Variants in ARSB observed in about 807,000 individuals in gnomAD.
ARSB encodes arylsulfatase B.
ARSB carries 41 observed loss-of-function variants against 50.9 expected under a neutral mutation model. The observed-to-expected ratio is 0.81, with a 90% CI of 0.63 to 1.04. The LOEUF is 1.04. Among genes scored for constraint, ARSB ranks in the 50% least tolerant of loss-of-function variants. ARSB has a pLI of 0.00. For synonymous variants in ARSB, 269 were observed against 284.8 expected, an observed-to-expected ratio of 0.94 and a Z score of 0.56; for missense variants, 672 against 693.3, an observed-to-expected ratio of 0.97 and a Z score of 0.35.
intron 5 of ARSB, among the ~76,000 whole-genome samples, chr5:78,863,662 T>A (rs904828379): frequency 6.6e-6 from 1 of 151,968 alleles, no homozygotes; most frequent in Non-Finnish European, 1.5e-5. Context: ...TTGTAAATGA[T>A]GTGTTAATGG....
chr5:78,921,319 C>A (rs1749803895), intron 4 of ARSB, among the ~76,000 whole-genome samples: 1 of 152,056 alleles, frequency 6.6e-6, no homozygotes, highest in South Asian at 2.1e-4. Flanking sequence ...AGAAATGTGG[C>A]TAGTCTGAAT....
Position 78,985,024 on chromosome 5 carries a change from C to A in ARSB, c.225G>T (p.Leu75=). Residue 75 remains leucine, a synonymous_variant, in exon 1 of 8, where the codon CTG becomes CTT. Coordinates refer to ENST00000264914, the MANE Select transcript of ARSB (RefSeq NM_000046.5). ...SRIRTPHLDA[L]AAGGVLLDNY... Reference sequence around the variant, plus strand: ...TGTCCAGGAGCACCCCGCCGGCCGCCAGCGCGTCCAGGTGCGGCGTGCGGA... The same window carrying A: ...TGTCCAGGAGCACCCCGCCGGCCGCAAGCGCGTCCAGGTGCGGCGTGCGGA... The A allele has an allele frequency of 5.8e-6, 9 of 1,541,432 alleles. No homozygotes were observed. The highest frequency in any genetic ancestry group is 7.9e-6 in the Non-Finnish European group (9 of 1,146,274).
At chr5:78,917,264 A>G (rs1186622387) in intron 4 of ARSB, among the ~76,000 whole-genome samples, 1 of 152,226 alleles carries the variant, frequency 6.6e-6, no homozygotes, top group East Asian at 1.9e-4. Flanking sequence ...ATATTCCTAT[A>G]GTTGTCTGTT....
chr5:78,827,402 G>A (rs1363767056), intron 6 of ARSB, among the ~76,000 whole-genome samples: 1 of 151,952 alleles, frequency 6.6e-6, no homozygotes, highest in East Asian at 1.9e-4. Context: ...GTAAAGACGG[G>A]GTTTTGCCAT....
intron 6 of ARSB, among the ~76,000 whole-genome samples, chr5:78,793,002 A>T (rs893708164): frequency 6.6e-6 from 1 of 152,192 alleles, no homozygotes; most frequent in Non-Finnish European, 1.5e-5. Flanking sequence ...ACAGAGTGCA[A>T]TAGAACAGAG....
In ARSB at chr5:78,955,321, T is replaced by C; in HGVS notation, c.872A>G (p.Asn291Ser). The C allele has an allele frequency of 6.2e-7, 1 of 1,614,196 alleles. No individual in the cohort carries two copies. Among genetic ancestry groups the C allele is most frequent in the Non-Finnish European group, 8.5e-7 (1 of 1,180,028 alleles). Residue 291 changes from asparagine to serine, a missense_variant, in exon 4 of 8, where the codon AAC becomes AGC. Physicochemically the swap from Asn to Ser is conservative, Grantham distance 46. Transcript: ENST00000264914. Reference protein sequence around the residue: ...TAALKSSGLWNNTVFIFSTDN... With the variant: ...TAALKSSGLWSNTVFIFSTDN... ...TGTAGAAAAGATGAACACCGTGTTG[T>C]TCCAGAGCCCACTGCTTTTTAAAGC...
At chr5:78,877,656 T>G (rs528584004) in intron 5 of ARSB, among the ~76,000 whole-genome samples, 48 of 152,312 alleles carry the variant, frequency 3.2e-4, no homozygotes, top group African/African-American at 1.1e-3. Context: ...CCCAAAGTGC[T>G]GGGATTACAG....
At chr5:78,863,673 G>A (rs1056092094) in intron 5 of ARSB, among the ~76,000 whole-genome samples, 2 of 151,976 alleles carry the variant, frequency 1.3e-5, no homozygotes, top group African/African-American at 2.4e-5. Context: ...GTGTTAATGG[G>A]TGCAGGACAC....
chr5:78,899,948 T>A (rs1260035154), intron 4 of ARSB, among the ~76,000 whole-genome samples: 1 of 152,160 alleles, frequency 6.6e-6, no homozygotes, highest in Non-Finnish European at 1.5e-5. Flanking sequence ...CCAGCTTGTT[T>A]TGTCTTTCAT....
chr5:78,793,864 T>C lies in ARSB; in HGVS notation c.1214-11890A>G, dbSNP rs542112749. Among the ~76,000 whole-genome samples, 106 of 152,236 alleles carry C rather than the reference T, an allele frequency of 7.0e-4. 2 individuals carry two copies. In the South Asian group the frequency reaches 0.018, roughly 25 times the overall value. ...TCTCAGATGAAACTGGAAGGCTGAATTGGCATTAGAAAGATTTCAATTTTT... is the reference window on the plus strand; with the variant it reads ...TCTCAGATGAAACTGGAAGGCTGAACTGGCATTAGAAAGATTTCAATTTTT... On this transcript the variant is annotated intron_variant, in intron 6 of 7. Coordinates refer to ENST00000264914, the MANE Select transcript of ARSB (RefSeq NM_000046.5).
intron 5 of ARSB, among the ~76,000 whole-genome samples, chr5:78,849,181 G>T (rs1341303574): frequency 2.0e-5 from 3 of 151,974 alleles, no homozygotes; most frequent in Admixed American, 2.0e-4. Context: ...TTTTCTTCTC[G>T]GGTTTTTATG....
At chr5:78,943,677 G>A (rs1191428436) in intron 4 of ARSB, among the ~76,000 whole-genome samples, 1 of 152,182 alleles carries the variant, frequency 6.6e-6, no homozygotes, top group Non-Finnish European at 1.5e-5. Context: ...CCCTTTGTGG[G>A]TAACCTGACC....
At chr5:78,841,133 T>C (rs1745178341) in intron 5 of ARSB, among the ~76,000 whole-genome samples, 2 of 73,756 alleles carry the variant, frequency 2.7e-5, no homozygotes, top group Non-Finnish European at 5.6e-5. Context: ...ACCTGGTCTG[T>C]ACTACTACTA....
chr5:78,911,565 C>G, intron 4 of ARSB, among the ~76,000 whole-genome samples: 1 of 95,934 alleles, frequency 1.0e-5, no homozygotes, highest in East Asian at 3.1e-4. Context: ...CAGAGTGAGA[C>G]TCCCTCTAAA....
intron 4 of ARSB, among the ~76,000 whole-genome samples, chr5:78,894,140 G>A (rs1337500077): frequency 6.6e-6 from 1 of 152,226 alleles, no homozygotes; most frequent in Non-Finnish European, 1.5e-5. Context: ...AGTCTGGCAA[G>A]TTCAAGGGCA....
chr5:78,823,319 A>AAT (rs1341919729), intron 6 of ARSB, among the ~76,000 whole-genome samples: 3 of 152,158 alleles, frequency 2.0e-5, no homozygotes, highest in Admixed American at 6.5e-5. Context: ...CCTGGTGTGT[A>AAT]ATACCAGGCC....
At chr5:78,983,401 T>G (rs892240261) in intron 1 of ARSB, among the ~76,000 whole-genome samples, 18 of 152,216 alleles carry the variant, frequency 1.2e-4, no homozygotes, top group African/African-American at 3.4e-4. Context: ...CCAACTCTGT[T>G]GGAAGGGAGG....
At chr5:78,873,274 G>A (rs1433784572) in intron 5 of ARSB, among the ~76,000 whole-genome samples, 1 of 151,834 alleles carries the variant, frequency 6.6e-6, no homozygotes, top group Non-Finnish European at 1.5e-5. Context: ...TCTTAGAAAT[G>A]ACAAAACATT....
intron 4 of ARSB, among the ~76,000 whole-genome samples, chr5:78,909,267 A>G (rs1749200122): frequency 6.6e-6 from 1 of 152,170 alleles, no homozygotes; most frequent in Non-Finnish European, 1.5e-5. Context: ...ACTTAGTAAA[A>G]ATTTCCCTCT....
Sources: allele counts gnomAD v4.1 joint callset (sites outside exome capture counted in the v4.1 genomes callset), GRCh38; gene constraint gnomAD v4.1.1; transcripts MANE v1.5; gene names NCBI Gene and HGNC (gene_info 2026-07-23, HGNC 2026-07-21).